PATJ: variants seen among roughly 807,000 people sequenced by gnomAD.
PATJ encodes the protein PATJ crumbs cell polarity complex component.
In PATJ, 190 loss-of-function variants were observed where a neutral mutation model predicts 224.9. The ratio of observed to expected loss-of-function variants is 0.84; its 90% CI spans 0.75 to 0.95. The LOEUF is 0.95. Ranked by LOEUF, PATJ falls within the 40% of genes least tolerant of loss-of-function variation. The pLI is 0.00. For missense variants in PATJ, 2,121 were observed against 2,270.3 expected, an observed-to-expected ratio of 0.93 and a Z score of 1.34; for synonymous variants, 769 against 820.3, an observed-to-expected ratio of 0.94 and a Z score of 1.07.
chr1:61,777,014 C>T lies in PATJ; in HGVS notation c.849+1680C>T, dbSNP rs868145637. On this transcript the variant is annotated intron_variant, in intron 7 of 43. Transcript: ENST00000642238. ...TGCTGGGATTACAGGCGTGAGCCAC[C>T]GCACCCAGCCAAATCTGCTACTTTT... 1.2e-3 allele frequency among the ~76,000 whole-genome samples: 185 copies of T among 152,068 alleles called. 3 individuals carry two copies. Among genetic ancestry groups the T allele is most frequent in the Admixed American group, 5.9e-4 (9 of 15,274 alleles).
chr1:61,904,682 A>C lies in PATJ; in HGVS notation c.3381+3223A>C, dbSNP rs146461071. ...GACTCACAGTTCCACATTGCTGGGGAGGCTTCAGGAAACTTATAATCATGG... is the reference window on the plus strand; with the variant it reads ...GACTCACAGTTCCACATTGCTGGGGCGGCTTCAGGAAACTTATAATCATGG... On this transcript the variant is annotated intron_variant, in intron 24 of 43. Transcript: ENST00000642238. Among the ~76,000 whole-genome samples the C allele has an allele frequency of 3.5e-3, 536 of 152,296 alleles. 3 individuals are homozygous for C. The highest frequency in any genetic ancestry group is 0.012 in the African/African-American group (509 of 41,550).
At position 61,747,716 on chromosome 1, in the gene PATJ, G is replaced by T. The variant is rs150054245; in HGVS notation, c.-36+5161G>T. Among the ~76,000 whole-genome samples, 150 of 152,200 alleles carry T rather than the reference G, an allele frequency of 9.9e-4. 1 individual carries two copies. Among genetic ancestry groups the T allele is most frequent in the East Asian group, 9.7e-3 (50 of 5,180 alleles). On this transcript the variant is annotated intron_variant, in intron 1 of 43. Coordinates refer to ENST00000642238, the MANE Select transcript of PATJ (RefSeq NM_001350145.3). ...CTGATGAAGTCTTTCCTAAAAACAC[G>T]GTGGAGGAAGAAAAAACAAAACCAA...
At chr1:62,044,291 T>C (rs1031712369) in intron 30 of PATJ, among the ~76,000 whole-genome samples, 4 of 152,148 alleles carry the variant, frequency 2.6e-5, no homozygotes, top group Admixed American at 1.3e-4. Context: ...CACCAGCCCC[T>C]CCCACTACTC....
chr1:62,147,798 A>C (rs551003314), intron 41 of PATJ, among the ~76,000 whole-genome samples: 6 of 144,784 alleles, frequency 4.1e-5, no homozygotes, highest in African/African-American at 1.2e-4. Context: ...ACTCCGACTA[A>C]AAAAAAAAAA....
intron 3 of PATJ, among the ~76,000 whole-genome samples, chr1:61,765,452 C>T (rs936621474): frequency 6.6e-6 from 1 of 151,444 alleles, no homozygotes; most frequent in African/African-American, 2.4e-5. Context: ...GGTGCAATCT[C>T]GGCTCACTGT....
At chr1:61,824,163 A>G (rs1340411548) in intron 15 of PATJ, among the ~76,000 whole-genome samples, 1 of 152,048 alleles carries the variant, frequency 6.6e-6, no homozygotes, top group Non-Finnish European at 1.5e-5. Flanking sequence ...GTATGTAGTT[A>G]TTACGTATTG....
At chr1:61,893,783 CAA>C (rs994366631) in intron 22 of PATJ, among the ~76,000 whole-genome samples, 1 of 139,166 alleles carries the variant, frequency 7.2e-6, no homozygotes, top group Non-Finnish European at 1.6e-5. Flanking sequence ...AACAACAAAA[CAA>C]GAGAAAAAAA....
chr1:61,841,630 A>G (rs1661111339), intron 17 of PATJ, among the ~76,000 whole-genome samples: 2 of 141,732 alleles, frequency 1.4e-5, no homozygotes, highest in Non-Finnish European at 3.0e-5. Flanking sequence ...CTTTGGGTCC[A>G]CGTCACCCAT....
At position 61,762,872 on chromosome 1, in the gene PATJ, G is replaced by A; in HGVS notation, c.-21G>A. On this transcript the variant is annotated 5_prime_UTR_variant, in exon 2 of 44. Coordinates refer to ENST00000642238, the MANE Select transcript of PATJ (RefSeq NM_001350145.3). ...TTTTTCTTTAGGTGTCTTTAAGAGTGATTGAAGAGAATAATTCAAAATGCC... is the reference window on the plus strand; with the variant it reads ...TTTTTCTTTAGGTGTCTTTAAGAGTAATTGAAGAGAATAATTCAAAATGCC... The A allele has an allele frequency of 6.7e-7, 1 of 1,500,964 alleles. No homozygotes were observed. Among genetic ancestry groups the A allele is most frequent in the Non-Finnish European group, 9.1e-7 (1 of 1,094,660 alleles). 93.0% of individuals were successfully genotyped at this position (1,500,964 alleles called of 1,614,324 possible).
intron 21 of PATJ, among the ~76,000 whole-genome samples, chr1:61,875,955 T>C (rs1667279480): frequency 6.6e-6 from 1 of 152,204 alleles, no homozygotes; most frequent in Non-Finnish European, 1.5e-5. Flanking sequence ...ATATTGAATG[T>C]CATTATAAAA....
chr1:61,899,544 C>T, intron 22 of PATJ, 39 bp from the exon 23 acceptor site: 1 of 1,423,580 alleles, frequency 7.0e-7, no homozygotes, highest in Non-Finnish European at 9.7e-7. Context: ...ATGAGTATGC[C>T]CTAAAATTGT....
At chr1:61,777,724 T>TTTTTTTTTTTTTTTTTTTC (rs765662896) in intron 7 of PATJ, among the ~76,000 whole-genome samples, 42 of 106,032 alleles carry the variant, frequency 4.0e-4, no homozygotes, top group African/African-American at 5.2e-4. Flanking sequence ...TTTTTTTTTT[T>TTTTTTTTTTTTTTTTTTTC]TTTAGCATAG....
intron 24 of PATJ, among the ~76,000 whole-genome samples, chr1:61,906,229 C>T (rs1403089300): frequency 2.0e-5 from 3 of 152,146 alleles, no homozygotes; most frequent in Non-Finnish European, 4.4e-5. Context: ...CTGGGTATAC[C>T]ACCTGCTACC....
chr1:61,927,787 G>A lies in PATJ; in HGVS notation c.3628G>A (p.Asp1210Asn). The A allele has an allele frequency of 6.2e-7, 1 of 1,613,484 alleles. No individual in the cohort carries two copies. The highest frequency in any genetic ancestry group is 8.5e-7 in the Non-Finnish European group (1 of 1,179,700). The change falls in exon 27 of 44, where the codon GAT (aspartate) becomes AAT (asparagine). Residue 1210 changes from aspartate to asparagine, a missense_variant. By Grantham distance (23) the Asp-to-Asn change is conservative. Transcript: ENST00000642238. ...TCCTCCTCCTTATAAAGCTCTGACTGATGACAGTGATGAAAATGAAGAAGA... is the reference window on the plus strand; with the variant it reads ...TCCTCCTCCTTATAAAGCTCTGACTAATGACAGTGATGAAAATGAAGAAGA... The part of the protein sequence containing the change: ...KLPPPYKALT[D>N]DSDENEEEDA...
intron 22 of PATJ, among the ~76,000 whole-genome samples, chr1:61,898,321 G>T (rs576191914): frequency 1.3e-5 from 2 of 152,182 alleles, no homozygotes; most frequent in South Asian, 4.2e-4. Context: ...GCTCACTACA[G>T]CCTTGAACTC....
chr1:61,851,251 T>C (rs561238963), intron 17 of PATJ, among the ~76,000 whole-genome samples: 2 of 152,304 alleles, frequency 1.3e-5, no homozygotes, highest in African/African-American at 4.8e-5. Flanking sequence ...AAAGGAAATA[T>C]ATTATGATAA....
chr1:61,787,870 G>C lies in PATJ; in HGVS notation c.966G>C (p.Met322Ile), dbSNP rs746632695. The C allele has an allele frequency of 6.2e-7, 1 of 1,614,056 alleles. No homozygotes were observed. Among genetic ancestry groups the C allele is most frequent in the Non-Finnish European group, 8.5e-7 (1 of 1,180,016 alleles). ...GGAACTGTGGGAATTCAGTCAGGAT[G>C]CTCGTTGCTAGAGATCCAGCTGGTG... is the stretch of plus-strand genomic sequence containing the variant. ...VLRNCGNSVRMLVARDPAGDI... is the reference protein window; with the variant it reads ...VLRNCGNSVRILVARDPAGDI... The change falls in exon 8 of 44, where the codon ATG (methionine) becomes ATC (isoleucine). Residue 322 changes from methionine to isoleucine, a missense_variant. Met to Ile is a conservative substitution (Grantham distance 10, BLOSUM62 1). Coordinates refer to ENST00000642238, the MANE Select transcript of PATJ (RefSeq NM_001350145.3).
intron 14 of PATJ, among the ~76,000 whole-genome samples, chr1:61,817,645 G>T (rs1253973362): frequency 6.6e-6 from 1 of 152,168 alleles, no homozygotes; most frequent in African/African-American, 2.4e-5. Context: ...TGGGCAACAA[G>T]AGCGAAACTC....
chr1:62,128,839 A>G lies in PATJ; in HGVS notation c.5167-2A>G, dbSNP rs781152293. ...GATTTTCTGTCATTTTTGTACTTCC[A>G]GGTTGGAGATCGGATTGTCAGCATT... On this transcript the variant is annotated splice_acceptor_variant, in intron 40 of 43. Coordinates refer to ENST00000642238, the MANE Select transcript of PATJ (RefSeq NM_001350145.3). LOFTEE classifies it high-confidence loss of function. 6.3e-7 allele frequency: 1 copy of G among 1,596,236 alleles called. No individual in the cohort carries two copies. The highest frequency in any genetic ancestry group is 1.1e-5 in the South Asian group (1 of 90,562).
Sources: gnomAD v4.1 joint callset for allele counts (sites outside exome capture counted in the v4.1 genomes callset) on GRCh38, gnomAD v4.1.1 for gene constraint, MANE v1.5 for transcripts, NCBI Gene and HGNC (gene_info 2026-07-23, HGNC 2026-07-21) for gene names.